The following MYO15A variants were observed in gnomAD, a reference collection of about 807,000 sequenced individuals.
The protein encoded by MYO15A is unconventional myosin-XV.
In MYO15A, 308 loss-of-function variants were observed where a neutral mutation model predicts 394.6. The ratio of observed to expected loss-of-function variants is 0.78; its 90% CI spans 0.71 to 0.86. The LOEUF is 0.86. Ranked by LOEUF, MYO15A falls within the 40% of genes least tolerant of loss-of-function variation. The probability of loss-of-function intolerance (pLI) is 0.00; values close to 1 mark genes in which losing one functional copy is unlikely to be tolerated. For synonymous variants in MYO15A, 1,957 were observed against 2,003.8 expected (o/e 0.98, Z 0.62); for missense variants, 4,606 against 4,799.1 (o/e 0.96, Z 1.19).
At chr17:18,131,568 G>A in intron 10 of MYO15A, 37 bp downstream of exon 10, 1 of 1,612,310 alleles carries the variant, frequency 6.2e-7, no homozygotes, top group South Asian at 1.1e-5. Flanking sequence ...TGTTGGGCAG[G>A]GTCGGGGTGG....
In MYO15A at chr17:18,139,555, A is replaced by G; in HGVS notation, c.5155A>G (p.Asn1719Asp). 1 of 1,614,102 alleles carries G rather than the reference A, an allele frequency of 6.2e-7. No individual in the cohort carries two copies. The highest frequency in any genetic ancestry group is 8.5e-7 in the Non-Finnish European group (1 of 1,180,008). The change falls in exon 19 of 66, where the codon AAC (asparagine) becomes GAC (aspartate). Residue 1719 changes from asparagine (N) to aspartate (D), a missense_variant. Transcript: ENST00000647165. ...TYQVHKFLDK[N>D]HDQVRQDVLD... ...TCAGGTGCACAAGTTCCTGGACAAG[A>G]ACCACGACCAAGTGCGCCAGGATGT...
intron 28 of MYO15A, among the ~76,000 whole-genome samples, 198 bp from the exon 29 acceptor site, chr17:18,144,296 TGAA>T (rs1169486146): frequency 6.6e-6 from 1 of 152,122 alleles, no homozygotes; most frequent in Admixed American, 6.5e-5. Flanking sequence ...CCCCTTGAGA[TGAA>T]GGTTTATCCT....
At chr17:18,110,823 T>A (rs1209075913) in intron 1 of MYO15A, among the ~76,000 whole-genome samples, 1 of 152,230 alleles carries the variant, frequency 6.6e-6, no homozygotes, top group Non-Finnish European at 1.5e-5. Flanking sequence ...GCCATAGGAC[T>A]GTCCTTGAAG....
At position 18,162,568 on chromosome 17, in the gene MYO15A, A is replaced by G; in HGVS notation, c.9518-17A>G. ...ACAGTCCACCTTGGGCGAGGCCTGA[A>G]CTCCCTGCTTCTGCAGGGATCGCCA... On this transcript the variant is annotated splice_polypyrimidine_tract_variant and intron_variant, in intron 57 of 65. Coordinates refer to ENST00000647165, the MANE Select transcript of MYO15A (RefSeq NM_016239.4). The G allele has an allele frequency of 6.2e-7, 1 of 1,612,198 alleles. No individual in the cohort carries two copies. The highest frequency in any genetic ancestry group is 8.5e-7 in the Non-Finnish European group (1 of 1,178,886).
intron 12 of MYO15A, 32 bp downstream of exon 12, chr17:18,133,418 C>T (rs753347762): frequency 2.1e-5 from 34 of 1,611,100 alleles, no homozygotes; most frequent in Non-Finnish European, 2.8e-5. Flanking sequence ...CCATGGGGCC[C>T]GCACCCTCTG....
At chr17:18,131,721 C>T (rs774857637) in intron 10 of MYO15A, among the ~76,000 whole-genome samples, 190 bp downstream of exon 10, 1 of 152,098 alleles carries the variant, frequency 6.6e-6, no homozygotes, top group Non-Finnish European at 1.5e-5. Flanking sequence ...TCCTCCCTGC[C>T]CCGCAGCACA....
In MYO15A at chr17:18,150,705, C is replaced by A. The variant is rs767263042; in HGVS notation, c.7335C>A (p.Gly2445=). The A allele has an allele frequency of 7.3e-5, 116 of 1,589,334 alleles. No individual in the cohort carries two copies. The highest frequency in any genetic ancestry group is 9.9e-5 in the Non-Finnish European group (115 of 1,166,628). The part of the protein sequence containing the change: ...RRPPEPKPIP[G]LDASTLALQQ... ...TCTGCCCCCTCCCCTCAGTCCCAGG[C>A]CTGGATGCCTCCACATTGGCTCTGC... is the stretch of plus-strand genomic sequence containing the variant. Residue 2445 remains glycine (G), a synonymous_variant, in exon 37 of 66, where the codon GGC becomes GGA. Transcript: ENST00000647165. This position sits in a 1 kb window ranked among gnomAD's most constrained non-coding sequence, Gnocchi z 4.4.
chr17:18,177,956 T>C (rs979045732), intron 65 of MYO15A: 4 of 152,366 alleles, frequency 2.6e-5, no homozygotes, highest in Non-Finnish European at 4.4e-5. Flanking sequence ...CTGCTCCAAT[T>C]GGGAGCACTA....
Position 18,119,221 on chromosome 17 carries a change from T to C in MYO15A, c.421T>C (p.Phe141Leu). 1 of 1,612,430 alleles carries C rather than the reference T, an allele frequency of 6.2e-7. No individual in the cohort carries two copies. Among genetic ancestry groups the C allele is most frequent in the Non-Finnish European group, 8.5e-7 (1 of 1,179,876 alleles). Residue 141 changes from phenylalanine to leucine, a missense_variant, in exon 2 of 66, where the codon TTC (phenylalanine) becomes CTC (leucine). Phe to Leu is a conservative substitution (Grantham distance 22). This residue lies in a region of MYO15A where 1,830 missense variants were observed against 1,689.7 expected (regional missense o/e 1.08). Coordinates refer to ENST00000647165, the MANE Select transcript of MYO15A (RefSeq NM_016239.4). ...STAINWLTKKFLLKKAEESGS... is the reference protein window; with the variant it reads ...STAINWLTKKLLLKKAEESGS... ...GGCCATCAACTGGCTCACAAAAAAG[T>C]TCCTCCTCAAGAAGGCCGAGGAGTC...
rs780484568 is a variant in MYO15A at position 18,163,822 on chromosome 17, C to T, written c.9771C>T (p.Phe3257=). 9.3e-6 allele frequency: 15 copies of T among 1,613,842 alleles called. No individual in the cohort carries two copies. Among genetic ancestry groups the T allele is most frequent in the South Asian group, 5.5e-5 (5 of 90,980 alleles). ...RPEAFNEYVI[F]VVTNRGQHVC... is the part of the protein sequence containing the mutation. ...AGGCCTTCAATGAATATGTTATCTT[C>T]GTTGTCACCAACCGTGGTGAGTGCC... The change falls in exon 60 of 66, where the codon TTC becomes TTT. Residue 3257 remains phenylalanine, a synonymous_variant. Coordinates refer to ENST00000647165, the MANE Select transcript of MYO15A (RefSeq NM_016239.4).
Position 18,154,713 on chromosome 17 carries a change from C to G in MYO15A, c.8182C>G (p.Arg2728Gly), listed in dbSNP as rs758464431. Residue 2728 changes from arginine (R) to glycine (G), a missense_variant, in exon 45 of 66, where the codon CGC (arginine) becomes GGC (glycine). This residue lies in a region of MYO15A where 2,776 missense variants were observed against 3,109.3 expected (regional missense o/e 0.89). Transcript: ENST00000647165. ...CGACACGCTCTCCGAGGCCTGCCTTCGCATCTCTGAGGATGAGAGGCTCAG... is the reference window on the plus strand; with the variant it reads ...CGACACGCTCTCCGAGGCCTGCCTTGGCATCTCTGAGGATGAGAGGCTCAG... ...LHDTLSEACLRISEDERLRMK... is the reference protein window; with the variant it reads ...LHDTLSEACLGISEDERLRMK... 1.2e-6 allele frequency: 2 copies of G among 1,613,750 alleles called. No homozygotes were observed. The highest frequency in any genetic ancestry group is 4.5e-5 in the East Asian group (2 of 44,864).
In MYO15A at chr17:18,120,697, CCA is replaced by C; in HGVS notation, c.1899_1900del (p.Ala635SerfsTer344). The C allele has an allele frequency of 6.4e-7, 1 of 1,551,502 alleles. No individual in the cohort carries two copies. The highest frequency in any genetic ancestry group is 8.6e-7 in the Non-Finnish European group (1 of 1,156,920). ...GCCCATCGTGCTGAGGAGGGCCCAG[CCA>C]CGCGCTCGCAGCAGCAACGACGCGC... ...GTPIVLRRAQ[P>X]RARSSNDARR... On this transcript the variant is annotated frameshift_variant, in exon 2 of 66. Transcript: ENST00000647165. LOFTEE classifies it high-confidence loss of function.
At chr17:18,110,637 G>T (rs2045709351) in intron 1 of MYO15A, among the ~76,000 whole-genome samples, 2 of 152,200 alleles carry the variant, frequency 1.3e-5, no homozygotes, top group Admixed American at 6.5e-5. Flanking sequence ...CTTCATCTAT[G>T]TGAGAATCTA....
Position 18,122,184 on chromosome 17 carries a change from G to C in MYO15A, c.3384G>C (p.Gln1128His), listed in dbSNP as rs535308861. The C allele has an allele frequency of 1.2e-6, 2 of 1,613,042 alleles. No homozygotes were observed. The highest frequency in any genetic ancestry group is 2.7e-5 in the African/African-American group (2 of 74,938). The change falls in exon 2 of 66, where the codon CAG becomes CAC. Residue 1128 changes from glutamine (Q) to histidine (H), a missense_variant. Gln to His is a conservative substitution (Grantham distance 24). Coordinates refer to ENST00000647165, the MANE Select transcript of MYO15A (RefSeq NM_016239.4). ...GTGTGCAGAAGCTGAGCTCTTTCCA[G>C]CGAGTTGGGCCTGCAACCCTGAAGC... ...MPRVQKLSSF[Q>H]RVGPATLKPQ...
intron 23 of MYO15A, 26 bp from the exon 24 acceptor site, chr17:18,142,053 C>T: frequency 6.2e-7 from 1 of 1,610,620 alleles, no homozygotes; most frequent in East Asian, 2.2e-5. Flanking sequence ...CTCCTATCTG[C>T]CTCAGTGCCT....
In MYO15A at chr17:18,174,049, AG is replaced by A. The variant is rs368910877; in HGVS notation, c.10491+129del. 83 of 1,316,160 alleles carry A rather than the reference AG, an allele frequency of 6.3e-5. No individual in the cohort carries two copies. The South Asian group carries it at 1.1e-3, about 18-fold the overall frequency. 81.5% of individuals were successfully genotyped at this position (1,316,160 alleles called of 1,614,324 possible). A position where few individuals can be genotyped will look rare whatever the true frequency, so the allele number is the denominator to read the frequency against. On this transcript the variant is annotated intron_variant, in intron 65 of 65. Coordinates refer to ENST00000647165, the MANE Select transcript of MYO15A (RefSeq NM_016239.4). Reference sequence around the variant, plus strand: ...CAGTGCATGGGACAGAACCAACCACAGCACAGCACGGAACTGCAGATCATTA... The same window carrying A: ...CAGTGCATGGGACAGAACCAACCACACACAGCACGGAACTGCAGATCATTA...
At chr17:18,127,413 G>A (rs2046068867) in intron 7 of MYO15A, among the ~76,000 whole-genome samples, 1 of 152,178 alleles carries the variant, frequency 6.6e-6, no homozygotes, top group Non-Finnish European at 1.5e-5. Flanking sequence ...CCAGTTCAGA[G>A]TGGAGACCAC....
Position 18,135,834 on chromosome 17 carries a change from T to A in MYO15A, c.4596+10T>A. 1 of 1,611,516 alleles carries A rather than the reference T, an allele frequency of 6.2e-7. No individual in the cohort carries two copies. Among genetic ancestry groups the A allele is most frequent in the Non-Finnish European group, 8.5e-7 (1 of 1,178,380 alleles). On this transcript the variant is annotated intron_variant, in intron 13 of 65. Coordinates refer to ENST00000647165, the MANE Select transcript of MYO15A (RefSeq NM_016239.4). ...CACCTTCAAAGTGACCGTGAGTCTG[T>A]GGGCATCTGGCCTTCGAACAAAGCT...
chr17:18,131,410 C>A (rs993455289), intron 9 of MYO15A, 58 bp from the exon 10 acceptor site: 10 of 1,613,072 alleles, frequency 6.2e-6, no homozygotes, highest in Non-Finnish European at 7.6e-6. Context: ...CACAGCCCCT[C>A]GGAGCCAACA....
Sources: gnomAD v4.1 joint callset for allele counts (sites outside exome capture counted in the v4.1 genomes callset) on GRCh38, gnomAD v4.1.1 for gene constraint, gnomAD v4.1.1 regional missense constraint, Gnocchi (gnomAD v3.1) non-coding constraint, MANE v1.5 for transcripts, NCBI Gene and HGNC (gene_info 2026-07-23, HGNC 2026-07-21) for gene names.